ERBB4: variants seen among roughly 807,000 people sequenced by gnomAD.
The protein encoded by ERBB4 is erb-b2 receptor tyrosine kinase 4, also known as receptor tyrosine-protein kinase erbB-4.
Under a neutral mutation model 158.0 loss-of-function variants are expected in ERBB4, and 42 were observed. The observed-to-expected ratio is 0.27, with a 90% CI of 0.21 to 0.34. The LOEUF (loss-of-function observed/expected upper bound fraction) is 0.34, where lower values mean the gene tolerates loss of function less well. Among genes scored for constraint, ERBB4 ranks in the 10% least tolerant of loss-of-function variants. The probability of loss-of-function intolerance (pLI) is 1.00; values close to 1 mark genes in which losing one functional copy is unlikely to be tolerated. For synonymous variants in ERBB4, 583 were observed against 558.7 expected, an observed-to-expected ratio of 1.04 and a Z score of -0.61; for missense variants, 1,333 against 1,624.1, an observed-to-expected ratio of 0.82 and a Z score of 3.08.
intron 20 of ERBB4, among the ~76,000 whole-genome samples, chr2:211,533,166 G>A (rs1435602296): frequency 2.0e-5 from 3 of 151,738 alleles, no homozygotes; most frequent in Non-Finnish European, 2.9e-5. Flanking sequence ...GTAATATGTA[G>A]GTAGACTTCA....
intron 3 of ERBB4, among the ~76,000 whole-genome samples, chr2:211,887,813 T>C (rs905002945): frequency 6.6e-6 from 1 of 152,170 alleles, no homozygotes; most frequent in African/African-American, 2.4e-5. Flanking sequence ...GAACATAATA[T>C]CCAAGAGGGT....
At position 211,376,059 on chromosome 2, in the gene ERBB4, A is replaced by G. The variant is rs962774343; in HGVS notation, c.*7556T>C. 4.3e-6 allele frequency: 1 copy of G among 233,036 alleles called. No individual in the cohort carries two copies. The highest frequency in any genetic ancestry group is 2.2e-5 in the African/African-American group (1 of 45,298). 14.4% of individuals were successfully genotyped at this position (233,036 alleles called of 1,614,324 possible). A position where few individuals can be genotyped will look rare whatever the true frequency, so the allele number is the denominator to read the frequency against. ...AAGAATAAGAGAAAGTATACTAAAA[A>G]TATGCCTAACATTAAAAAAGTTAGT... On this transcript the variant is annotated 3_prime_UTR_variant, in exon 28 of 28. Transcript: ENST00000342788.
Position 211,400,438 on chromosome 2 carries a change from C to T in ERBB4, c.3136-12446G>A, listed in dbSNP as rs923774370. Among the ~76,000 whole-genome samples, 3 of 152,044 alleles carry T rather than the reference C, an allele frequency of 2.0e-5. No individual in the cohort carries two copies. The South Asian group carries it at 6.2e-4, about 31-fold the overall frequency. On this transcript the variant is annotated intron_variant, in intron 25 of 27. Transcript: ENST00000342788. ...ATATACCACAATAAAAGTATTTGCA[C>T]AGTGACATGATTATCTGTGTGAGGG...
chr2:212,474,066 TAACG>T (rs1168917242), intron 1 of ERBB4, among the ~76,000 whole-genome samples: 1 of 152,128 alleles, frequency 6.6e-6, no homozygotes, highest in Non-Finnish European at 1.5e-5. Flanking sequence ...ATAAAATAGA[TAACG>T]AACACTTTTT....
In ERBB4 at chr2:211,721,443, C is replaced by CAAAAAAAAAAAAAAAAAAAAAAAAAAA. The variant is rs71054136; in HGVS notation, c.883+949_883+950insTTTTTTTTTTTTTTTTTTTTTTTTTTT. Among the ~76,000 whole-genome samples the CAAAAAAAAAAAAAAAAAAAAAAAAAAA allele has an allele frequency of 2.2e-4, 12 of 54,494 alleles. 2 individuals carry two copies. The highest frequency in any genetic ancestry group is 3.3e-4 in the Non-Finnish European group (11 of 33,514). The allele number at this position is 54,494 out of a possible 152,430, so 35.8% of individuals were successfully genotyped here. A position where few individuals can be genotyped will look rare whatever the true frequency, so the allele number is the denominator to read the frequency against. ...GAAATGTCCCATTGGTTACTCAAAG[C>CAAAAAAAAAAAAAAAAAAAAAAAAAAA]AAAAAAAAAAAAAAAAAAAAAATAG... On this transcript the variant is annotated intron_variant, in intron 7 of 27. Transcript: ENST00000342788.
rs138399009 is a variant in ERBB4 at position 211,680,304 on chromosome 2, C to T, written c.1490-1120G>A. Among the ~76,000 whole-genome samples, 687 of 151,974 alleles carry T rather than the reference C, an allele frequency of 4.5e-3. 5 individuals are homozygous for T. Among genetic ancestry groups the T allele is most frequent in the African/African-American group, 0.015 (623 of 41,448 alleles). On this transcript the variant is annotated intron_variant, in intron 12 of 27. Coordinates refer to ENST00000342788, the MANE Select transcript of ERBB4 (RefSeq NM_005235.3). The stretch of plus-strand genomic sequence containing the variant: ...ATACTGCATGACATTATTTTAGTGA[C>T]GGGAGATTTGATATTGATAAGAAGA...
chr2:212,193,085 A>T (rs111405075), intron 1 of ERBB4, among the ~76,000 whole-genome samples: 5,891 of 152,214 alleles, frequency 0.039, 161 homozygotes, highest in Non-Finnish European at 0.055. Context: ...AGCTCCTGCT[A>T]TGTACAAAAT....
chr2:211,607,651 C>CATAAACTGTAAGCAACAGGCACCAAAA (rs1394516040), intron 19 of ERBB4, among the ~76,000 whole-genome samples: 4 of 151,928 alleles, frequency 2.6e-5, no homozygotes, highest in African/African-American at 9.7e-5. Flanking sequence ...CCATGCTATA[C>CATAAACTGTAAGCAACAGGCACCAAAA]ATAAACTGTA....
chr2:211,715,970 T>A (rs1021476935), intron 7 of ERBB4, among the ~76,000 whole-genome samples: 1 of 152,220 alleles, frequency 6.6e-6, no homozygotes, highest in Non-Finnish European at 1.5e-5. Context: ...TTATATCAGT[T>A]AGATTCAAGT....
chr2:212,446,316 G>T (rs942000246), intron 1 of ERBB4, among the ~76,000 whole-genome samples: 2 of 149,750 alleles, frequency 1.3e-5, no homozygotes, highest in Non-Finnish European at 3.0e-5. Flanking sequence ...CTGGGCTGGG[G>T]AAGGCAGATC....
chr2:212,096,129 A>G (rs1559489579), intron 2 of ERBB4, among the ~76,000 whole-genome samples: 1 of 152,068 alleles, frequency 6.6e-6, no homozygotes, highest in African/African-American at 2.4e-5. Context: ...CTTTTAATTT[A>G]TAAAAGGAAA....
At chr2:211,481,661 C>T (rs1474169304) in intron 20 of ERBB4, among the ~76,000 whole-genome samples, 1 of 151,584 alleles carries the variant, frequency 6.6e-6, no homozygotes, top group African/African-American at 2.4e-5. Context: ...TCTTAAGTGA[C>T]TTTGTGTCTC....
intron 7 of ERBB4, among the ~76,000 whole-genome samples, chr2:211,721,507 T>G (rs116038963): frequency 2.3e-4 from 33 of 141,844 alleles, no homozygotes; most frequent in African/African-American, 8.7e-4. Context: ...GAATACCTGA[T>G]GAAAGTTAAG....
At chr2:212,278,030 G>A (rs1465137928) in intron 1 of ERBB4, among the ~76,000 whole-genome samples, 1 of 151,540 alleles carries the variant, frequency 6.6e-6, no homozygotes, top group Non-Finnish European at 1.5e-5. Context: ...ATTATCGATT[G>A]TTGATTGAAA....
intron 1 of ERBB4, among the ~76,000 whole-genome samples, chr2:212,291,410 A>G (rs1167313877): frequency 6.6e-6 from 1 of 152,142 alleles, no homozygotes; most frequent in African/African-American, 2.4e-5. Context: ...AAGTCTTTTT[A>G]CTAGATATTT....
chr2:212,408,065 A>G (rs1048729267), intron 1 of ERBB4, among the ~76,000 whole-genome samples: 15 of 151,870 alleles, frequency 9.9e-5, no homozygotes, highest in African/African-American at 3.6e-4. Flanking sequence ...TCTCAGTAAC[A>G]TTTTATTTTT....
rs577069480 is a variant in ERBB4, at chr2:212,272,011, G to A, written c.83-147108C>T. On this transcript the variant is annotated intron_variant, in intron 1 of 27. Transcript: ENST00000342788. ...TTACCAATTAACATTTTTTTTAAAA[G>A]ACCTATGCCTAAGGCAGAAACTTTA... is the stretch of plus-strand genomic sequence containing the variant. Among the ~76,000 whole-genome samples, 4 of 151,666 alleles carry A rather than the reference G, an allele frequency of 2.6e-5. No individual in the cohort carries two copies. In the East Asian group the frequency reaches 7.8e-4, roughly 30 times the overall value.
chr2:212,324,347 AGGAAATAGTC>A (rs2087718833), intron 1 of ERBB4, among the ~76,000 whole-genome samples: 1 of 150,762 alleles, frequency 6.6e-6, no homozygotes, highest in Admixed American at 6.6e-5. Context: ...CTGAACCAAG[AGGAAATAGTC>A]TGTCGGCCTC....
chr2:212,298,552 T>C (rs922224060), intron 1 of ERBB4, among the ~76,000 whole-genome samples: 2 of 151,700 alleles, frequency 1.3e-5, no homozygotes, highest in African/African-American at 2.4e-5. Context: ...AAGCTCACTG[T>C]AGGCAAGACA....
Sources: allele counts gnomAD v4.1 joint callset (sites outside exome capture counted in the v4.1 genomes callset), GRCh38; gene constraint gnomAD v4.1.1; transcripts MANE v1.5; gene names NCBI Gene and HGNC (gene_info 2026-07-23, HGNC 2026-07-21).